NBAS: variants seen among roughly 807,000 people sequenced by gnomAD.
NBAS encodes NAG/BC035112 fusion.
In NBAS, 219 loss-of-function variants were observed where a neutral mutation model predicts 302.5. The ratio of observed to expected loss-of-function variants is 0.72; its 90% confidence interval spans 0.65 to 0.81. The LOEUF (loss-of-function observed/expected upper bound fraction) is 0.81, where lower values mean the gene tolerates loss of function less well. Ranked by LOEUF, NBAS falls within the 30% of genes least tolerant of loss-of-function variation. The pLI, the probability that NBAS is intolerant of heterozygous loss-of-function variation, is 0.00. For synonymous variants in NBAS, 1,118 were observed against 1,021.6 expected, an observed-to-expected ratio of 1.09 and a Z score of -1.80; for missense variants, 2,932 against 2,841.6, an observed-to-expected ratio of 1.03 and a Z score of -0.72.
chr2:15,351,872 A>G (rs1673374381), intron 35 of NBAS, 120 bp downstream of exon 35: 1 of 29,322 alleles, frequency 3.4e-5, no homozygotes, highest in East Asian at 2.7e-4. Context: ...GTCTGCATGC[A>G]CACACACACA....
At chr2:15,134,392 G>C in the NBAS span, among the ~76,000 whole-genome samples, 1 of 152,096 alleles carries the variant, frequency 6.6e-6, no homozygotes, top group African/African-American at 2.4e-5. Context: ...ACAAACTGCT[G>C]TTGTTTTCAA....
At chr2:15,435,357 G>A (rs2148499758) in intron 21 of NBAS, among the ~76,000 whole-genome samples, 1 of 152,246 alleles carries the variant, frequency 6.6e-6, no homozygotes, top group African/African-American at 2.4e-5. Flanking sequence ...TGTGCTGAAT[G>A]GACATTTCAC....
At position 15,234,590 on chromosome 2, in the gene NBAS, T is replaced by C; in HGVS notation, c.6101A>G (p.Lys2034Arg). The C allele has an allele frequency of 6.2e-7, 1 of 1,614,144 alleles. No homozygotes were observed. Among genetic ancestry groups the C allele is most frequent in the Non-Finnish European group, 8.5e-7 (1 of 1,180,000 alleles). ...CATGATTGCACTCTGCACTATATCCTTGGGTGAGATGTCAAGAGGGCCAAC... is the reference window on the plus strand; with the variant it reads ...CATGATTGCACTCTGCACTATATCCCTGGGTGAGATGTCAAGAGGGCCAAC... Reference protein sequence around the residue: ...VAVGPLDISPKDIVQSAIMKI... With the variant: ...VAVGPLDISPRDIVQSAIMKI... Residue 2034 changes from lysine (K) to arginine (R), a missense_variant, in exon 46 of 52, where the codon AAG (lysine) becomes AGG (arginine). Lys to Arg is a conservative substitution (Grantham distance 26, BLOSUM62 2). Transcript: ENST00000281513.
At chr2:15,308,106 A>G in intron 40 of NBAS, 110 bp downstream of exon 40, 1 of 1,528,822 alleles carries the variant, frequency 6.5e-7, no homozygotes, top group Non-Finnish European at 9.0e-7. Context: ...CTTGGAATAC[A>G]TTCTGGATAC....
downstream of NBAS, among the ~76,000 whole-genome samples, chr2:15,162,585 G>A (rs1011735040): frequency 1.3e-5 from 2 of 152,158 alleles, no homozygotes; most frequent in African/African-American, 2.4e-5. Flanking sequence ...CAACACCAAA[G>A]CTCTCCAGTT....
chr2:15,397,424 G>T, intron 26 of NBAS: 1 of 400,294 alleles, frequency 2.5e-6, no homozygotes. Context: ...ATTATTTAAG[G>T]ACTTAGCTCC....
At chr2:15,050,984 T>G in the NBAS span, among the ~76,000 whole-genome samples, 6 of 152,170 alleles carry the variant, frequency 3.9e-5, no homozygotes, top group Admixed American at 1.3e-4. Flanking sequence ...AAGAGTCTCC[T>G]TGTCTGAATT....
At chr2:15,003,479 C>T in the NBAS span, among the ~76,000 whole-genome samples, 2,255 of 152,240 alleles carry the variant, frequency 0.015, 68 homozygotes, top group African/African-American at 0.052. Flanking sequence ...GACAGAAGAA[C>T]AAATTCATTC....
the NBAS span, among the ~76,000 whole-genome samples, chr2:14,973,473 C>G: frequency 2.6e-5 from 4 of 152,106 alleles, no homozygotes; most frequent in Admixed American, 6.5e-5. Context: ...CCACCTGACT[C>G]AAAATATGCT....
At chr2:15,302,557 T>G (rs572899977) in intron 40 of NBAS, among the ~76,000 whole-genome samples, 2 of 151,918 alleles carry the variant, frequency 1.3e-5, no homozygotes, top group Non-Finnish European at 2.9e-5. Flanking sequence ...TGCCACAGGG[T>G]GGGTGGGTAG....
chr2:15,535,840 C>T (rs1160252686), intron 8 of NBAS, among the ~76,000 whole-genome samples: 2 of 152,154 alleles, frequency 1.3e-5, no homozygotes, highest in South Asian at 2.1e-4. Context: ...ATTCCATTAA[C>T]GTAAACTATT....
the NBAS span, among the ~76,000 whole-genome samples, chr2:14,976,224 C>T: frequency 1.3e-5 from 2 of 152,146 alleles, no homozygotes; most frequent in African/African-American, 2.4e-5. Flanking sequence ...GAAGATGGAA[C>T]CTAAGTAAAG....
chr2:15,256,255 T>C (rs182713098), intron 44 of NBAS, among the ~76,000 whole-genome samples: 1 of 152,292 alleles, frequency 6.6e-6, no homozygotes, highest in Admixed American at 6.5e-5. Flanking sequence ...GTTTTCCAAG[T>C]AGAGATCATT....
chr2:14,854,517 A>T, the NBAS span, among the ~76,000 whole-genome samples: 1 of 151,818 alleles, frequency 6.6e-6, no homozygotes, highest in Non-Finnish European at 1.5e-5. Flanking sequence ...CAAATTGCTG[A>T]AAAAGGTGCT....
At chr2:15,330,856 A>G (rs1204186354) in intron 35 of NBAS, 91 bp from the exon 36 acceptor site, 12 of 1,364,856 alleles carry the variant, frequency 8.8e-6, no homozygotes, top group Middle Eastern at 2.6e-4. Flanking sequence ...AAATGATCAG[A>G]TATTAAACTT....
At chr2:15,227,712 G>C (rs761944651) in intron 47 of NBAS, among the ~76,000 whole-genome samples, 1 of 152,030 alleles carries the variant, frequency 6.6e-6, no homozygotes, top group African/African-American at 2.4e-5. Flanking sequence ...TTTGACAAAG[G>C]CTCCAAGAAC....
the NBAS span, among the ~76,000 whole-genome samples, chr2:14,865,972 C>T: frequency 6.6e-6 from 1 of 152,006 alleles, no homozygotes; most frequent in African/African-American, 2.4e-5. Flanking sequence ...CTAAACATGC[C>T]CTTAGAAGAA....
intron 11 of NBAS, among the ~76,000 whole-genome samples, chr2:15,490,397 A>G (rs753488920): frequency 1.3e-5 from 2 of 152,236 alleles, no homozygotes; most frequent in Non-Finnish European, 2.9e-5. Flanking sequence ...CCACAATTAA[A>G]TGTAAGATTG....
At chr2:14,791,523 G>A in the NBAS span, among the ~76,000 whole-genome samples, 167 of 152,216 alleles carry the variant, frequency 1.1e-3, no homozygotes, top group African/African-American at 3.9e-3. Flanking sequence ...TGGGCATGAG[G>A]TTGGGAACAG....
Sources: gnomAD v4.1 joint callset for allele counts (sites outside exome capture counted in the v4.1 genomes callset) on GRCh38, gnomAD v4.1.1 for gene constraint, MANE v1.5 for transcripts, NCBI Gene and HGNC (gene_info 2026-07-23, HGNC 2026-07-21) for gene names.